The following FBXO11 variants were observed in gnomAD, a reference collection of about 807,000 sequenced individuals.
FBXO11 encodes F-box protein 11, also known as F-box only protein 11.
FBXO11 carries 13 observed loss-of-function variants against 117.0 expected under a neutral mutation model. The ratio of observed to expected loss-of-function variants is 0.11; its 90% CI spans 0.07 to 0.18. The LOEUF is 0.18. Ranked by LOEUF, FBXO11 falls within the 10% of genes least tolerant of loss-of-function variation. FBXO11 has a pLI of 1.00. For synonymous variants in FBXO11, 490 were observed against 380.5 expected, an observed-to-expected ratio of 1.29 and a Z score of -3.35; for missense variants, 767 against 1,164.4, an observed-to-expected ratio of 0.66 and a Z score of 4.97.
intron 1 of FBXO11, among the ~76,000 whole-genome samples, chr2:47,864,855 T>C (rs778837803): frequency 3.3e-5 from 5 of 152,110 alleles, no homozygotes; most frequent in Non-Finnish European, 7.4e-5. Context: ...TGTATTATAA[T>C]AGTCTATTTG....
intron 13 of FBXO11, among the ~76,000 whole-genome samples, chr2:47,821,614 G>GAA (rs1287814389): frequency 1.8e-5 from 2 of 109,018 alleles, no homozygotes; most frequent in Non-Finnish European, 3.9e-5. Context: ...CGTCTCAAAA[G>GAA]AAAAAAAAAA....
chr2:47,865,228 C>A (rs1160162525), intron 1 of FBXO11, among the ~76,000 whole-genome samples: 1 of 152,150 alleles, frequency 6.6e-6, no homozygotes, highest in African/African-American at 2.4e-5. Context: ...GGTGATAGAA[C>A]CCAGATTTTA....
chr2:47,810,125 T>TTAGGAGTCTGGCTTAGAGTAGAAGAA lies in FBXO11; in HGVS notation c.2338+165_2338+190dup, dbSNP rs370500700. On this transcript the variant is annotated intron_variant, in intron 19 of 22. Transcript: ENST00000403359. ...GACTAAGCAATAAGAGCAATATTTC[T>TTAGGAGTCTGGCTTAGAGTAGAAGAA]TAGGAGTCTGGCTTAGAGTAGAAGA... 7.5e-6 allele frequency: 4 copies of TTAGGAGTCTGGCTTAGAGTAGAAGAA among 535,202 alleles called. No homozygotes were observed. In the African/African-American group the frequency reaches 7.8e-5, roughly 10 times the overall value. The allele number at this position is 535,202 out of a possible 1,614,324, so 33.2% of individuals were successfully genotyped here.
chr2:47,896,819 G>C (rs1343007902), intron 1 of FBXO11, among the ~76,000 whole-genome samples: 2 of 152,034 alleles, frequency 1.3e-5, no homozygotes, highest in Non-Finnish European at 2.9e-5. Flanking sequence ...ATGAAATAAA[G>C]TGAGTGAGTC....
intron 11 of FBXO11, among the ~76,000 whole-genome samples, chr2:47,829,702 T>C (rs1672039142): frequency 6.6e-6 from 1 of 151,826 alleles, no homozygotes; most frequent in Non-Finnish European, 1.5e-5. Context: ...ACTGTGGTTA[T>C]GTGAAAGAAA....
At chr2:47,899,050 G>A (rs558122486) in intron 1 of FBXO11, among the ~76,000 whole-genome samples, 126 of 151,996 alleles carry the variant, frequency 8.3e-4, no homozygotes, top group Non-Finnish European at 1.3e-3. Context: ...CGAGGCGGGC[G>A]GATCACGAGG....
chr2:47,887,476 C>G (rs2103955379), intron 1 of FBXO11, among the ~76,000 whole-genome samples: 1 of 152,182 alleles, frequency 6.6e-6, no homozygotes, highest in South Asian at 2.1e-4. Flanking sequence ...ACCTGTAATC[C>G]CAGCACTTTG....
At chr2:47,900,140 T>A (rs1019499253) in intron 1 of FBXO11, among the ~76,000 whole-genome samples, 2 of 152,206 alleles carry the variant, frequency 1.3e-5, no homozygotes, top group South Asian at 2.1e-4. Context: ...CTCTTAGGCC[T>A]CATCAGCACA....
Position 47,905,670 on chromosome 2 carries a change from C to A in FBXO11, c.51G>T (p.Pro17=). The A allele has an allele frequency of 6.6e-7, 1 of 1,504,462 alleles. No individual in the cohort carries two copies. The highest frequency in any genetic ancestry group is 8.9e-7 in the Non-Finnish European group (1 of 1,128,930). The allele number at this position is 1,504,462 out of a possible 1,614,324, so 93.2% of individuals were successfully genotyped here. A position where few individuals can be genotyped will look rare whatever the true frequency, so the allele number is the denominator to read the frequency against. The part of the protein sequence containing the change: ...ANRRPRRVSR[P]RPVQQQQQQP... ...GCTGCTGCTGTTGCTGCACCGGGCG[C>A]GGCCGCGACACTCGCCTGGGTCTCC... The change falls in exon 1 of 23, where the codon CCG becomes CCT. Residue 17 remains proline, a synonymous_variant. Transcript: ENST00000403359.
chr2:47,846,968 G>A (rs373567521), intron 1 of FBXO11, among the ~76,000 whole-genome samples: 2 of 152,154 alleles, frequency 1.3e-5, no homozygotes, highest in South Asian at 2.1e-4. Flanking sequence ...GAGAAGGCTG[G>A]TCGTGGTGGC....
chr2:47,840,358 G>C (rs1672924214), intron 1 of FBXO11, among the ~76,000 whole-genome samples: 1 of 152,048 alleles, frequency 6.6e-6, no homozygotes, highest in African/African-American at 2.4e-5. Flanking sequence ...GCTTGGCAAG[G>C]AGTGTGTCTA....
rs1348767844 is a variant in FBXO11 at position 47,905,623 on chromosome 2, G to GGCGGCGGCTGCT, written c.86_97dup (p.Gln29_Pro32dup). On this transcript the variant is annotated inframe_insertion, in exon 1 of 23. Coordinates refer to ENST00000403359, the MANE Select transcript of FBXO11 (RefSeq NM_001190274.2). ...GGGCGGCTGCTGCTGGGGCGGCTGC[G>GGCGGCGGCTGCT]GCGGCGGCTGCTGCGGGGGCTGCTG... 1.7e-5 allele frequency: 24 copies of GGCGGCGGCTGCT among 1,373,330 alleles called. No individual in the cohort carries two copies. Among genetic ancestry groups the GGCGGCGGCTGCT allele is most frequent in the Non-Finnish European group, 2.2e-5 (23 of 1,059,044 alleles). The allele number at this position is 1,373,330 out of a possible 1,614,324, so 85.1% of individuals were successfully genotyped here.
At position 47,860,516 on chromosome 2, in the gene FBXO11, T is replaced by C. The variant is rs567469956; in HGVS notation, c.233-20747A>G. ...ACCTCCGCCTCCCAGGTTCAAGCAATTCTCCTGCCTTAGCATCCCAAGTAG... is the reference window on the plus strand; with the variant it reads ...ACCTCCGCCTCCCAGGTTCAAGCAACTCTCCTGCCTTAGCATCCCAAGTAG... On this transcript the variant is annotated intron_variant, in intron 1 of 22. Coordinates refer to ENST00000403359, the MANE Select transcript of FBXO11 (RefSeq NM_001190274.2). Among the ~76,000 whole-genome samples the C allele has an allele frequency of 1.1e-4, 16 of 151,116 alleles. No homozygotes were observed. In the East Asian group the frequency reaches 2.6e-3, roughly 24 times the overall value.
chr2:47,877,129 C>G (rs547596067), intron 1 of FBXO11, among the ~76,000 whole-genome samples: 2 of 151,914 alleles, frequency 1.3e-5, no homozygotes, highest in South Asian at 4.2e-4. Context: ...TGGGCTTAAG[C>G]GATCCTCCCA....
At chr2:47,864,513 G>A (rs1031244302) in intron 1 of FBXO11, among the ~76,000 whole-genome samples, 2 of 152,132 alleles carry the variant, frequency 1.3e-5, no homozygotes, top group African/African-American at 4.8e-5. Flanking sequence ...CTTGAACCCG[G>A]GAGGCAGAGG....
chr2:47,829,385 C>T (rs185498734), intron 11 of FBXO11, among the ~76,000 whole-genome samples: 52 of 151,964 alleles, frequency 3.4e-4, no homozygotes, highest in African/African-American at 1.0e-3. Flanking sequence ...GGACTTGAGG[C>T]GTGCACCAAC....
At chr2:47,846,198 G>C (rs1673393890) in intron 1 of FBXO11, among the ~76,000 whole-genome samples, 1 of 152,184 alleles carries the variant, frequency 6.6e-6, no homozygotes, top group Admixed American at 6.5e-5. Flanking sequence ...CAGGCGTGGT[G>C]GCTCATGCCT....
intron 1 of FBXO11, among the ~76,000 whole-genome samples, chr2:47,891,646 A>G (rs1677266044): frequency 6.6e-6 from 1 of 152,226 alleles, no homozygotes; most frequent in South Asian, 2.1e-4. Context: ...TGGAAGAAGA[A>G]TTGCTGGATC....
chr2:47,849,409 A>G (rs75315139), intron 1 of FBXO11, among the ~76,000 whole-genome samples: 2,015 of 152,318 alleles, frequency 0.013, 27 homozygotes, highest in Non-Finnish European at 0.022. Flanking sequence ...ACGTTCTTAC[A>G]CTGAATTTTT....
Sources: allele counts gnomAD v4.1 joint callset (sites outside exome capture counted in the v4.1 genomes callset), GRCh38; gene constraint gnomAD v4.1.1; transcripts MANE v1.5; gene names NCBI Gene and HGNC (gene_info 2026-07-23, HGNC 2026-07-21).